Variants in UBE2QL1 observed in about 807,000 individuals in gnomAD.
UBE2QL1 encodes ubiquitin conjugating enzyme E2 QL1.
UBE2QL1 carries 5 observed loss-of-function variants against 12.6 expected under a neutral mutation model. The observed-to-expected ratio is 0.40, with a 90% CI of 0.21 to 0.83. The LOEUF (loss-of-function observed/expected upper bound fraction) is 0.83, where lower values mean the gene tolerates loss of function less well. Ranked by LOEUF, UBE2QL1 falls within the 40% of genes least tolerant of loss-of-function variation. UBE2QL1 has a pLI of 0.37. For synonymous variants in UBE2QL1, 96 were observed against 94.5 expected, an observed-to-expected ratio of 1.02 and a Z score of -0.10; for missense variants, 99 against 222.6, an observed-to-expected ratio of 0.44 and a Z score of 3.53.
chr5:6,457,118 A>C (rs998338487), intron 1 of UBE2QL1, among the ~76,000 whole-genome samples: 1 of 151,772 alleles, frequency 6.6e-6, no homozygotes, highest in African/African-American at 2.4e-5. Context: ...ACATCTGGTT[A>C]TGAACCTTAT....
At chr5:6,480,386 C>T (rs1358347160) in intron 1 of UBE2QL1, among the ~76,000 whole-genome samples, 1 of 152,212 alleles carries the variant, frequency 6.6e-6, no homozygotes, top group Non-Finnish European at 1.5e-5. Flanking sequence ...GAGAACAGGG[C>T]CTGGCTCAGA....
intron 1 of UBE2QL1, among the ~76,000 whole-genome samples, chr5:6,477,845 A>G (rs909720018): frequency 1.3e-5 from 2 of 152,224 alleles, no homozygotes; most frequent in Non-Finnish European, 2.9e-5. Flanking sequence ...GGTTTCATCC[A>G]TATCCCATAT....
intron 1 of UBE2QL1, among the ~76,000 whole-genome samples, chr5:6,449,876 CA>C (rs1204644488): frequency 0.02 from 2,628 of 131,872 alleles, 235 homozygotes; most frequent in African/African-American, 0.068. Flanking sequence ...CAACCCCCCC[CA>C]CACACACACA....
At chr5:6,449,867 A>ATC in intron 1 of UBE2QL1, among the ~76,000 whole-genome samples, 1 of 67,202 alleles carries the variant, frequency 1.5e-5, no homozygotes, top group Non-Finnish European at 3.3e-5. Flanking sequence ...CCACCTCCCC[A>ATC]ACCCCCCCCA....
At position 6,494,623 on chromosome 5, in the gene UBE2QL1, C is replaced by T. The variant is rs528556786; in HGVS notation, c.*3274C>T. 42 of 152,236 alleles carry T rather than the reference C, an allele frequency of 2.8e-4. No individual in the cohort carries two copies. Among genetic ancestry groups the T allele is most frequent in the African/African-American group, 9.4e-4 (39 of 41,536 alleles). 9.4% of individuals were successfully genotyped at this position (152,236 alleles called of 1,614,324 possible). A position where few individuals can be genotyped will look rare whatever the true frequency, so the allele number is the denominator to read the frequency against. On this transcript the variant is annotated 3_prime_UTR_variant, in exon 2 of 2. Transcript: ENST00000399816. ...TGCTTTGGAGACTAAAGATTGTCAA[C>T]GAAATGTAAGTGTCATTTTCGTAGT...
chr5:6,485,815 G>A (rs999299844), intron 1 of UBE2QL1, among the ~76,000 whole-genome samples: 2 of 152,184 alleles, frequency 1.3e-5, no homozygotes, highest in African/African-American at 4.8e-5. Flanking sequence ...GAGAGAAAAA[G>A]CTAATCAAGT....
At chr5:6,458,676 G>A (rs1739586045) in intron 1 of UBE2QL1, among the ~76,000 whole-genome samples, 1 of 152,160 alleles carries the variant, frequency 6.6e-6, no homozygotes, top group African/African-American at 2.4e-5. Flanking sequence ...GGATTAATTT[G>A]TGCTGGAGTC....
intron 1 of UBE2QL1, among the ~76,000 whole-genome samples, chr5:6,488,107 T>C (rs1734498858): frequency 6.6e-6 from 1 of 152,212 alleles, no homozygotes; most frequent in African/African-American, 2.4e-5. Context: ...CTTATCACAG[T>C]GTAGTGCAAT....
At chr5:6,488,648 T>C (rs1734509891) in intron 1 of UBE2QL1, among the ~76,000 whole-genome samples, 1 of 151,836 alleles carries the variant, frequency 6.6e-6, no homozygotes. Context: ...AAAATTTTTT[T>C]AACTGGCTGT....
In UBE2QL1 at chr5:6,495,399, G is replaced by A. The variant is rs574554785; in HGVS notation, c.*4050G>A. 6.6e-6 allele frequency among the ~76,000 whole-genome samples: 1 copy of A among 152,294 alleles called. No individual in the cohort carries two copies. The highest frequency in any genetic ancestry group is 2.1e-4 in the South Asian group (1 of 4,818). ...TAGTGAGGGTAGAGCCACTGAATCTGGAAGACCACTTAGCCTAATTTTACA... is the reference window on the plus strand; with the variant it reads ...TAGTGAGGGTAGAGCCACTGAATCTAGAAGACCACTTAGCCTAATTTTACA... On this transcript the variant is annotated 3_prime_UTR_variant, in exon 2 of 2. Transcript: ENST00000399816.
chr5:6,460,501 A>G (rs150645220), intron 1 of UBE2QL1, among the ~76,000 whole-genome samples: 101 of 152,308 alleles, frequency 6.6e-4, no homozygotes, highest in African/African-American at 2.2e-3. Flanking sequence ...AGAGATTCAC[A>G]GGAAACTCAG....
chr5:6,461,540 A>ACCCCCCCCC (rs71606052), intron 1 of UBE2QL1, among the ~76,000 whole-genome samples: 44 of 46,814 alleles, frequency 9.4e-4, no homozygotes, highest in Non-Finnish European at 1.3e-3. Context: ...TTCAGCACCC[A>ACCCCCCCCC]CCACCCCCCC....
intron 1 of UBE2QL1, among the ~76,000 whole-genome samples, chr5:6,488,066 G>A (rs1734498172): frequency 6.6e-6 from 1 of 152,216 alleles, no homozygotes; most frequent in South Asian, 2.1e-4. Context: ...GTAAACGTGG[G>A]TGTAAGAGAC....
intron 1 of UBE2QL1, among the ~76,000 whole-genome samples, chr5:6,472,102 T>C (rs1405921652): frequency 2.6e-5 from 4 of 152,212 alleles, no homozygotes; most frequent in Non-Finnish European, 5.9e-5. Flanking sequence ...TGTGCCTTGC[T>C]CTGAATCTTA....
In UBE2QL1 at chr5:6,494,685, A is replaced by T. The variant is rs1734637177; in HGVS notation, c.*3336A>T. ...TACATTACAGCAGGCTTTAATTAGA[A>T]CCCACTTAGATATCGACTCAGAATG... On this transcript the variant is annotated 3_prime_UTR_variant, in exon 2 of 2. Transcript: ENST00000399816. 6.6e-6 allele frequency: 1 copy of T among 152,196 alleles called. No individual in the cohort carries two copies. The highest frequency in any genetic ancestry group is 1.5e-5 in the Non-Finnish European group (1 of 68,044). The allele number at this position is 152,196 out of a possible 1,614,324, so 9.4% of individuals were successfully genotyped here. A position where few individuals can be genotyped will look rare whatever the true frequency, so the allele number is the denominator to read the frequency against.
chr5:6,490,606 G>A (rs10073415), intron 1 of UBE2QL1, among the ~76,000 whole-genome samples: 29,673 of 152,088 alleles, frequency 0.2, 6,399 homozygotes, highest in African/African-American at 0.53. Flanking sequence ...AATGTCCACC[G>A]TCACCTCACA....
chr5:6,451,155 T>C (rs1397691918), intron 1 of UBE2QL1, among the ~76,000 whole-genome samples: 1 of 152,208 alleles, frequency 6.6e-6, no homozygotes, highest in East Asian at 1.9e-4. Context: ...AGTCCTAACA[T>C]TTTAGACTTG....
At chr5:6,469,866 A>G (rs1015704670) in intron 1 of UBE2QL1, among the ~76,000 whole-genome samples, 1 of 152,198 alleles carries the variant, frequency 6.6e-6, no homozygotes, top group Non-Finnish European at 1.5e-5. Context: ...ACAATTTATT[A>G]GAGAAGGAGA....
At chr5:6,470,843 A>G (rs1739900200) in intron 1 of UBE2QL1, among the ~76,000 whole-genome samples, 1 of 152,176 alleles carries the variant, frequency 6.6e-6, no homozygotes, top group Non-Finnish European at 1.5e-5. Flanking sequence ...TACTGGATCA[A>G]AGGGTGGGAA....
Sources: gnomAD v4.1 joint callset for allele counts (sites outside exome capture counted in the v4.1 genomes callset) on GRCh38, gnomAD v4.1.1 for gene constraint, MANE v1.5 for transcripts, NCBI Gene and HGNC (gene_info 2026-07-23, HGNC 2026-07-21) for gene names.